Variants in IL1RAPL2 observed in about 807,000 individuals in gnomAD.
IL1RAPL2 encodes interleukin 1 receptor accessory protein like 2.
In IL1RAPL2, 3 loss-of-function variants were observed where a neutral mutation model predicts 44.1. The observed-to-expected ratio is 0.07, with a 90% CI of 0.03 to 0.18. IL1RAPL2 has a LOEUF of 0.18. Ranked by LOEUF, IL1RAPL2 falls within the 10% of genes least tolerant of loss-of-function variation. IL1RAPL2 has a pLI of 1.00. For missense variants in IL1RAPL2, 391 were observed against 496.4 expected (o/e 0.79, Z 2.02); for synonymous variants, 181 against 178.8 (o/e 1.01, Z -0.10).
intron 4 of IL1RAPL2, among the ~76,000 whole-genome samples, chrX:105,249,198 G>A (rs2034248451): frequency 1.8e-5 from 2 of 111,059 alleles, no homozygotes. Context: ...CAACAACATG[G>A]ATGGAACCAG....
intron 1 of IL1RAPL2, among the ~76,000 whole-genome samples, chrX:104,635,099 T>C (rs1435171719): frequency 9.0e-6 from 1 of 111,268 alleles, no homozygotes; most frequent in East Asian, 2.8e-4. Context: ...CCTTCACTTA[T>C]GAAGCTTAAT....
At chrX:105,054,703 A>G (rs1044334145) in intron 2 of IL1RAPL2, among the ~76,000 whole-genome samples, 2 of 112,461 alleles carry the variant, frequency 1.8e-5, no homozygotes, top group Non-Finnish European at 3.7e-5. Flanking sequence ...TACTATATGG[A>G]ACAGTGCAAA....
intron 9 of IL1RAPL2, among the ~76,000 whole-genome samples, 160 bp from the exon 10 acceptor site, chrX:105,755,017 G>A (rs1278067431): frequency 2.7e-5 from 3 of 111,857 alleles, no homozygotes; most frequent in African/African-American, 6.5e-5. Flanking sequence ...TATATGACTA[G>A]GTTATTTTGA....
intron 2 of IL1RAPL2, among the ~76,000 whole-genome samples, chrX:105,019,198 G>A (rs2031240423): frequency 8.9e-6 from 1 of 111,844 alleles, no homozygotes; most frequent in South Asian, 3.7e-4. Context: ...GGGAGAATAT[G>A]GCTGTATTCT....
At chrX:104,812,006 G>A (rs1366544867) in intron 2 of IL1RAPL2, among the ~76,000 whole-genome samples, 1 of 110,909 alleles carries the variant, frequency 9.0e-6, no homozygotes. Context: ...ATAGGTTAAT[G>A]AGTTTGGGGA....
intron 5 of IL1RAPL2, among the ~76,000 whole-genome samples, chrX:105,364,001 G>T (rs1259284214): frequency 1.8e-5 from 2 of 111,293 alleles, no homozygotes; most frequent in Non-Finnish European, 3.8e-5. Flanking sequence ...TTCTATTCAA[G>T]AAATCATTGG....
intron 6 of IL1RAPL2, among the ~76,000 whole-genome samples, chrX:105,703,134 A>C (rs1022234795): frequency 3.6e-5 from 4 of 111,640 alleles, no homozygotes; most frequent in Non-Finnish European, 5.7e-5. Context: ...AGCACTATTG[A>C]CATTTGGGAC....
intron 9 of IL1RAPL2, among the ~76,000 whole-genome samples, chrX:105,751,403 T>C (rs761405040): frequency 4.5e-5 from 5 of 112,254 alleles, no homozygotes; most frequent in South Asian, 3.7e-4. Flanking sequence ...TAATCTACAA[T>C]AATTAATTAC....
intron 2 of IL1RAPL2, among the ~76,000 whole-genome samples, chrX:105,035,371 G>A (rs979547432): frequency 2.7e-5 from 3 of 111,692 alleles, no homozygotes; most frequent in African/African-American, 9.8e-5. Flanking sequence ...GTTCCTATTC[G>A]GCCATCTTGG....
intron 5 of IL1RAPL2, among the ~76,000 whole-genome samples, chrX:105,372,663 G>T (rs1238090585): frequency 9.0e-6 from 1 of 110,916 alleles, no homozygotes; most frequent in Non-Finnish European, 1.9e-5. Context: ...CCCAGCATCT[G>T]TTGTTCCCCT....
chrX:105,691,082 C>T (rs2038031674), intron 6 of IL1RAPL2, among the ~76,000 whole-genome samples: 1 of 111,400 alleles, frequency 9.0e-6, no homozygotes, highest in Non-Finnish European at 1.9e-5. Context: ...TCCAAAAGAG[C>T]CTATCTCTAA....
At position 104,829,582 on chromosome X, in the gene IL1RAPL2, T is replaced by G. The variant is rs1213023192; in HGVS notation, c.82+170587T>G. Among the ~76,000 whole-genome samples, 13 of 112,632 alleles carry G rather than the reference T, an allele frequency of 1.2e-4. No individual in the cohort carries two copies. The Admixed American group carries it at 1.2e-3, about 11-fold the overall frequency. The stretch of plus-strand genomic sequence containing the variant: ...CAGAGCTGTTCGTATTCGGCCATCT[T>G]GGTAAATCTGTTTTTATCCAAGAAA... On this transcript the variant is annotated intron_variant, in intron 2 of 10. Transcript: ENST00000372582.
chrX:105,436,382 GT>G (rs2035882275), intron 5 of IL1RAPL2, among the ~76,000 whole-genome samples: 2 of 111,397 alleles, frequency 1.8e-5, no homozygotes, highest in East Asian at 5.7e-4. Flanking sequence ...TCCAAAAATT[GT>G]AATAAAATAA....
At chrX:104,868,424 C>T (rs1225737921) in intron 2 of IL1RAPL2, among the ~76,000 whole-genome samples, 1 of 111,768 alleles carries the variant, frequency 8.9e-6, no homozygotes, top group African/African-American at 3.3e-5. Flanking sequence ...CCTGTATCTG[C>T]TCTGAAAAAT....
At chrX:105,099,745 C>G (rs1490119618) in intron 2 of IL1RAPL2, among the ~76,000 whole-genome samples, 1 of 109,726 alleles carries the variant, frequency 9.1e-6, no homozygotes, top group African/African-American at 3.3e-5. Flanking sequence ...GGACTACAGG[C>G]GTGAGCCACC....
At chrX:105,755,785 C>T (rs1412483508) in intron 10 of IL1RAPL2, among the ~76,000 whole-genome samples, 1 of 111,455 alleles carries the variant, frequency 9.0e-6, no homozygotes, top group African/African-American at 3.3e-5. Context: ...CACTTATTTC[C>T]AGATTTATGG....
chrX:104,894,255 T>A (rs983952768), intron 2 of IL1RAPL2, among the ~76,000 whole-genome samples: 10 of 111,466 alleles, frequency 9.0e-5, no homozygotes, highest in African/African-American at 3.3e-4. Flanking sequence ...TCTGACAATT[T>A]TGTGTCTTGG....
intron 2 of IL1RAPL2, among the ~76,000 whole-genome samples, chrX:104,826,938 C>CTTTTTTTTTTTTTTTTTTTT (rs1176113214): frequency 5.7e-5 from 2 of 34,850 alleles, no homozygotes; most frequent in Non-Finnish European, 9.9e-5. Flanking sequence ...GCAACCCCTG[C>CTTTTTTTTTTTTTTTTTTTT]TTTTTTTTTT....
rs73245732 is a variant in IL1RAPL2, at chrX:104,996,013, G to A, written c.83-199462G>A. On this transcript the variant is annotated intron_variant, in intron 2 of 10. Coordinates refer to ENST00000372582, the MANE Select transcript of IL1RAPL2 (RefSeq NM_017416.2). The stretch of plus-strand genomic sequence containing the variant: ...TCCAAATATCAGATTCTTAATTTAG[G>A]ATAATAAAAGAAGGAGGTTATGCTA... Among the ~76,000 whole-genome samples the A allele has an allele frequency of 4.5e-3, 498 of 111,765 alleles. 1 individual carries two copies. The highest frequency in any genetic ancestry group is 7.8e-3 in the Non-Finnish European group (416 of 53,011).
Sources: gnomAD v4.1 joint callset for allele counts (sites outside exome capture counted in the v4.1 genomes callset) on GRCh38, gnomAD v4.1.1 for gene constraint, MANE v1.5 for transcripts, NCBI Gene and HGNC (gene_info 2026-07-23, HGNC 2026-07-21) for gene names.